The following EVI5 variants were observed in gnomAD, a reference collection of about 807,000 sequenced individuals.
The protein encoded by EVI5 is ecotropic viral integration site 5.
Under a neutral mutation model 112.0 loss-of-function variants are expected in EVI5, and 73 were observed. That is an observed-to-expected ratio of 0.65 (90% confidence interval 0.54 to 0.79). The LOEUF is 0.79. Ranked by LOEUF, EVI5 falls within the 30% of genes least tolerant of loss-of-function variation. The pLI is 0.00. For synonymous variants in EVI5, 305 were observed against 319.9 expected, an observed-to-expected ratio of 0.95 and a Z score of 0.50; for missense variants, 900 against 968.8, an observed-to-expected ratio of 0.93 and a Z score of 0.94.
chr1:92,569,463 C>T (rs6692187), intron 18 of EVI5, among the ~76,000 whole-genome samples: 129,249 of 152,206 alleles, frequency 0.85, 55,224 homozygotes, highest in East Asian at 0.97. Context: ...CTTGCATTAA[C>T]GGCACTAAGC....
At chr1:92,611,832 T>C (rs1651892520) in intron 16 of EVI5, among the ~76,000 whole-genome samples, 1 of 151,394 alleles carries the variant, frequency 6.6e-6, no homozygotes, top group Non-Finnish European at 1.5e-5. Flanking sequence ...CTGTTTGAGG[T>C]CAGGAGCTTG....
chr1:92,772,650 C>A (rs1288852884), intron 1 of EVI5, among the ~76,000 whole-genome samples: 1 of 152,124 alleles, frequency 6.6e-6, no homozygotes, highest in Admixed American at 6.6e-5. Context: ...TGCCTGTAAT[C>A]CCAGCACTTT....
intron 1 of EVI5, among the ~76,000 whole-genome samples, chr1:92,759,384 G>T (rs1016298189): frequency 6.6e-6 from 1 of 151,988 alleles, no homozygotes; most frequent in African/African-American, 2.4e-5. Flanking sequence ...ACAATATATA[G>T]AGAGACACCT....
At chr1:92,611,698 CAAAAAAAAA>C (rs35037095) in intron 16 of EVI5, among the ~76,000 whole-genome samples, 1 of 88,566 alleles carries the variant, frequency 1.1e-5, no homozygotes, top group African/African-American at 4.7e-5. Flanking sequence ...GACTCCGTCA[CAAAAAAAAA>C]AAAAAAAAAA....
intron 19 of EVI5, among the ~76,000 whole-genome samples, chr1:92,527,963 C>T (rs1338975083): frequency 6.6e-6 from 1 of 152,166 alleles, no homozygotes; most frequent in Non-Finnish European, 1.5e-5. Flanking sequence ...TATATGTACT[C>T]ATTTCTCTAG....
chr1:92,632,445 C>G (rs1470346589), intron 14 of EVI5, among the ~76,000 whole-genome samples: 1 of 152,176 alleles, frequency 6.6e-6, no homozygotes, highest in Non-Finnish European at 1.5e-5. Context: ...TCCATTACTT[C>G]CAGATTTTCT....
intron 19 of EVI5, among the ~76,000 whole-genome samples, chr1:92,555,980 T>TAAAGAA: frequency 6.6e-6 from 1 of 151,928 alleles, no homozygotes; most frequent in Non-Finnish European, 1.5e-5. Flanking sequence ...TTTTCTACCT[T>TAAAGAA]TAGTATTTTA....
chr1:92,619,181 T>A (rs913808932), intron 16 of EVI5, among the ~76,000 whole-genome samples: 2 of 152,082 alleles, frequency 1.3e-5, no homozygotes, highest in African/African-American at 2.4e-5. Flanking sequence ...TTTGAGTCAG[T>A]GGGCTGGGGT....
At chr1:92,698,622 T>C (rs539411296) in intron 5 of EVI5, among the ~76,000 whole-genome samples, 1 of 152,246 alleles carries the variant, frequency 6.6e-6, no homozygotes, top group South Asian at 2.1e-4. Flanking sequence ...TAAATTAGAA[T>C]ACTATGAGTG....
At chr1:92,723,827 G>T (rs569206146) in intron 2 of EVI5, among the ~76,000 whole-genome samples, 1 of 152,126 alleles carries the variant, frequency 6.6e-6, no homozygotes, top group Non-Finnish European at 1.5e-5. Flanking sequence ...TCCCAGCAAG[G>T]AATAACCCTG....
intron 13 of EVI5, among the ~76,000 whole-genome samples, chr1:92,648,408 A>T (rs1030240593): frequency 3.3e-5 from 5 of 151,690 alleles, no homozygotes; most frequent in African/African-American, 4.8e-5. Context: ...AAAAATAAAA[A>T]AAATAAAGTG....
chr1:92,516,368 T>C (rs1354729487), intron 19 of EVI5, among the ~76,000 whole-genome samples: 1 of 152,194 alleles, frequency 6.6e-6, no homozygotes, highest in African/African-American at 2.4e-5. Flanking sequence ...TCAGATGTAA[T>C]TATAGAAAAT....
intron 1 of EVI5, among the ~76,000 whole-genome samples, chr1:92,747,863 G>A (rs1379745665): frequency 6.6e-6 from 1 of 152,000 alleles, no homozygotes; most frequent in African/African-American, 2.4e-5. Flanking sequence ...CTAGCTTTGG[G>A]TGGTTTGCCA....
chr1:92,636,297 G>T lies in EVI5; in HGVS notation c.1432C>A (p.Gln478Lys). Residue 478 changes from glutamine to lysine, a missense_variant, in exon 14 of 20, where the codon CAG becomes AAG. Coordinates refer to ENST00000684568, the MANE Select transcript of EVI5 (RefSeq NM_001350197.2). ...SSNYNEDFVL[Q>K]LEKELVQARL... The stretch of plus-strand genomic sequence containing the variant: ...GCTTGGACCAATTCCTTCTCTAGCT[G>T]TAGCACAAAATCTTCGTTGTAGTTG... 6.2e-7 allele frequency: 1 copy of T among 1,613,530 alleles called. No individual in the cohort carries two copies. The highest frequency in any genetic ancestry group is 8.5e-7 in the Non-Finnish European group (1 of 1,179,530).
At chr1:92,565,596 T>C (rs1381049129) in intron 18 of EVI5, among the ~76,000 whole-genome samples, 2 of 152,186 alleles carry the variant, frequency 1.3e-5, no homozygotes, top group Non-Finnish European at 2.9e-5. Context: ...CTTAGTCCTC[T>C]GACTGGTCAA....
At chr1:92,561,550 ACTGACTATCTAT>A (rs1437445692) in intron 19 of EVI5, among the ~76,000 whole-genome samples, 1,315 of 35,894 alleles carry the variant, frequency 0.037, 15 homozygotes, top group African/African-American at 0.06. Flanking sequence ...TCCTGATGAG[ACTGACTATCTAT>A]CTATCTATCT....
At chr1:92,562,853 T>G (rs1019937419) in intron 19 of EVI5, among the ~76,000 whole-genome samples, 1 of 152,192 alleles carries the variant, frequency 6.6e-6, no homozygotes, top group African/African-American at 2.4e-5. Flanking sequence ...TGGTCAAAAT[T>G]TCTCTTTCTT....
chr1:92,528,773 T>C (rs896802873), intron 19 of EVI5, among the ~76,000 whole-genome samples: 7 of 151,968 alleles, frequency 4.6e-5, no homozygotes, highest in African/African-American at 1.2e-4. Context: ...GTCAGGAAAA[T>C]GAGGAGATGA....
chr1:92,636,212 T>A lies in EVI5; in HGVS notation c.1517A>T (p.Asp506Val). ...ALKEMQDKVL[D>V]IEKRNNSLPD... Reference sequence around the variant, plus strand: ...GTGTAGGTTTCTTACCTTCTCTATATCCAAGACTTTATCCTGCATCTCTTT... The same window carrying A: ...GTGTAGGTTTCTTACCTTCTCTATAACCAAGACTTTATCCTGCATCTCTTT... The change falls in exon 14 of 20, where the codon GAT becomes GTT. Residue 506 changes from aspartate to valine, a missense_variant. By Grantham distance (152) the Asp-to-Val change is radical (BLOSUM62 -3). Transcript: ENST00000684568. 6.2e-7 allele frequency: 1 copy of A among 1,613,190 alleles called. No individual in the cohort carries two copies. Among genetic ancestry groups the A allele is most frequent in the Non-Finnish European group, 8.5e-7 (1 of 1,179,538 alleles).
Sources: gnomAD v4.1 joint callset for allele counts (sites outside exome capture counted in the v4.1 genomes callset) on GRCh38, gnomAD v4.1.1 for gene constraint, MANE v1.5 for transcripts, NCBI Gene and HGNC (gene_info 2026-07-23, HGNC 2026-07-21) for gene names.